SLC4A4: variants seen among roughly 807,000 people sequenced by gnomAD.
SLC4A4 encodes the protein solute carrier family 4 member 4.
Under a neutral mutation model 111.5 loss-of-function variants are expected in SLC4A4, and 27 were observed. The ratio of observed to expected loss-of-function variants is 0.24; its 90% CI spans 0.18 to 0.33. The LOEUF is 0.33. Among genes scored for constraint, SLC4A4 ranks in the 10% least tolerant of loss-of-function variants. The pLI, the probability that SLC4A4 is intolerant of heterozygous loss-of-function variation, is 1.00. For missense variants in SLC4A4, 909 were observed against 1,315.5 expected (o/e 0.69, Z 4.78); for synonymous variants, 443 against 463.4 (o/e 0.96, Z 0.57).
intron 1 of SLC4A4, among the ~76,000 whole-genome samples, chr4:71,220,752 G>A (rs1175194104): frequency 3.3e-5 from 5 of 151,918 alleles, no homozygotes; most frequent in Admixed American, 3.3e-4. Flanking sequence ...GGGTACATGT[G>A]AAGGTTTGTT....
intron 3 of SLC4A4, among the ~76,000 whole-genome samples, chr4:71,309,719 T>C (rs925071542): frequency 5.3e-5 from 8 of 152,108 alleles, no homozygotes; most frequent in Non-Finnish European, 1.0e-4. Flanking sequence ...TCCATGAAGA[T>C]GAGGAAAAAC....
At chr4:71,215,248 G>T (rs1718355436) in intron 1 of SLC4A4, among the ~76,000 whole-genome samples, 1 of 152,106 alleles carries the variant, frequency 6.6e-6, no homozygotes, top group South Asian at 2.1e-4. Context: ...TATTTCCCCT[G>T]AATTTATTAA....
intron 2 of SLC4A4, among the ~76,000 whole-genome samples, chr4:71,243,413 T>C (rs897864275): frequency 3.3e-5 from 5 of 152,166 alleles, no homozygotes; most frequent in Non-Finnish European, 7.4e-5. Flanking sequence ...TTAGAAATCA[T>C]TGGGAGAACT....
At chr4:71,332,727 C>T (rs369084895) in intron 3 of SLC4A4, among the ~76,000 whole-genome samples, 7 of 152,312 alleles carry the variant, frequency 4.6e-5, no homozygotes, top group Middle Eastern at 3.4e-3. Flanking sequence ...CCACCGCGCC[C>T]GGCCGACTGT....
rs368180428 is a variant in SLC4A4, at chr4:71,105,218, T to C, written c.-2+12426T>C. ...ACCTAGGAATCCAACTCACAAGGGATGTGAAGGACCTCTTCAAGGAGAACT... is the reference window on the plus strand; with the variant it reads ...ACCTAGGAATCCAACTCACAAGGGACGTGAAGGACCTCTTCAAGGAGAACT... On this transcript the variant is annotated intron_variant, in intron 2 of 26. Coordinates refer to the SLC4A4 transcript ENST00000649996. Among the ~76,000 whole-genome samples, 155 of 149,824 alleles carry C rather than the reference T, an allele frequency of 1.0e-3. 1 individual carries two copies. The East Asian group carries it at 0.027, about 26-fold the overall frequency.
chr4:71,274,557 T>C (rs1722937171), intron 3 of SLC4A4, among the ~76,000 whole-genome samples: 1 of 152,232 alleles, frequency 6.6e-6, no homozygotes, highest in Admixed American at 6.5e-5. Flanking sequence ...AGAAGTGCAG[T>C]TCCCAAATGC....
intron 13 of SLC4A4, among the ~76,000 whole-genome samples, chr4:71,472,461 A>G (rs911729152): frequency 6.6e-6 from 1 of 151,978 alleles, no homozygotes; most frequent in South Asian, 2.1e-4. Flanking sequence ...GTTTTCACAT[A>G]TAAATGATAT....
intron 2 of SLC4A4, among the ~76,000 whole-genome samples, chr4:71,170,060 A>C (rs1027655190): frequency 2.6e-5 from 4 of 152,040 alleles, no homozygotes; most frequent in African/African-American, 9.7e-5. Flanking sequence ...ACATTCCCCA[A>C]CATGCTCTGC....
upstream of SLC4A4, chr4:71,186,829 C>T (rs1417621547): frequency 6.6e-6 from 1 of 152,196 alleles, no homozygotes; most frequent in Admixed American, 6.5e-5. Context: ...CCGAGGGGCG[C>T]CTGGGCTGGG....
intron 3 of SLC4A4, among the ~76,000 whole-genome samples, chr4:71,284,276 G>A (rs755981308): frequency 2.0e-5 from 3 of 152,182 alleles, no homozygotes; most frequent in African/African-American, 7.2e-5. Flanking sequence ...GGAGTTTAAA[G>A]TCCAGCTAAT....
chr4:71,064,550 A>G (rs1741465815), intron 1 of SLC4A4, among the ~76,000 whole-genome samples: 1 of 152,214 alleles, frequency 6.6e-6, no homozygotes, highest in Non-Finnish European at 1.5e-5. Flanking sequence ...ACCCGTAGTG[A>G]TAATTTGAAA....
In SLC4A4 at chr4:71,404,730, G is replaced by A. The variant is rs111830987; in HGVS notation, c.807+7077G>A. ...CAAAACCAGAAAACAGCAATACCTT[G>A]TGATGAACACTCTTGAGTACAGTTT... is the stretch of plus-strand genomic sequence containing the variant. On this transcript the variant is annotated intron_variant, in intron 7 of 25. Coordinates refer to ENST00000264485, the MANE Select transcript of SLC4A4 (RefSeq NM_001098484.3). 9.6e-3 allele frequency among the ~76,000 whole-genome samples: 1,463 copies of A among 152,228 alleles called. 24 individuals are homozygous for A. The highest frequency in any genetic ancestry group is 0.034 in the African/African-American group (1,407 of 41,538).
chr4:71,373,586 A>G (rs1010796412), intron 6 of SLC4A4, among the ~76,000 whole-genome samples: 1 of 152,160 alleles, frequency 6.6e-6, no homozygotes, highest in African/African-American at 2.4e-5. Context: ...AGGGCATGGG[A>G]AGAAGATGTG....
At chr4:71,474,263 A>G (rs1336781285) in intron 14 of SLC4A4, among the ~76,000 whole-genome samples, 1 of 151,862 alleles carries the variant, frequency 6.6e-6, no homozygotes, top group Non-Finnish European at 1.5e-5. Context: ...CTTTTTACTA[A>G]GGTCTTTTAG....
At chr4:71,295,234 T>G (rs902096470) in intron 3 of SLC4A4, among the ~76,000 whole-genome samples, 1 of 152,278 alleles carries the variant, frequency 6.6e-6, no homozygotes, top group African/African-American at 2.4e-5. Context: ...TCTTTTCCCA[T>G]GATACTCTAA....
chr4:71,369,359 A>G (rs1479962505), intron 6 of SLC4A4, among the ~76,000 whole-genome samples: 1 of 152,162 alleles, frequency 6.6e-6, no homozygotes, highest in African/African-American at 2.4e-5. Context: ...CCTGAATCCA[A>G]GTTGAGGACA....
intron 14 of SLC4A4, among the ~76,000 whole-genome samples, chr4:71,484,291 G>A (rs1278766967): frequency 2.6e-5 from 4 of 151,734 alleles, no homozygotes. Context: ...GTCTTCTAGG[G>A]TTTTTATAGT....
intron 8 of SLC4A4, among the ~76,000 whole-genome samples, chr4:71,447,356 T>C (rs1725330063): frequency 6.6e-6 from 1 of 152,172 alleles, no homozygotes; most frequent in Admixed American, 6.5e-5. Context: ...ATAGAAAGAT[T>C]GAATGACTCA....
At chr4:71,218,443 C>T (rs1009278062) in intron 1 of SLC4A4, among the ~76,000 whole-genome samples, 1 of 152,222 alleles carries the variant, frequency 6.6e-6, no homozygotes, top group African/African-American at 2.4e-5. Context: ...AATGCCATCA[C>T]TTTATATTTA....
Sources: allele counts gnomAD v4.1 joint callset (sites outside exome capture counted in the v4.1 genomes callset), GRCh38; gene constraint gnomAD v4.1.1; transcripts MANE v1.5; gene names NCBI Gene and HGNC (gene_info 2026-07-23, HGNC 2026-07-21).